Variants in FBXO27 observed in about 807,000 individuals in gnomAD.
FBXO27 encodes the protein F-box protein 27, also known as F-box only protein 27.
In FBXO27, 28 loss-of-function variants were observed where a neutral mutation model predicts 28.3. That is an observed-to-expected ratio of 0.99 (90% CI 0.73 to 1.36). FBXO27 has a LOEUF of 1.36. FBXO27 is among the 40% of genes most tolerant of loss of function. FBXO27 has a pLI of 0.00. For synonymous variants in FBXO27, 175 were observed against 167.3 expected (o/e 1.05, Z -0.36); for missense variants, 388 against 394.1 (o/e 0.98, Z 0.13).
chr19:39,019,809 T>C (rs1462949925), downstream of FBXO27, among the ~76,000 whole-genome samples: 1 of 152,136 alleles, frequency 6.6e-6, no homozygotes, highest in Admixed American at 6.6e-5. Flanking sequence ...TGGAGTGCAG[T>C]GGCTCCATCT....
At chr19:39,008,962 A>G (rs1162309188) in intron 2 of FBXO27, among the ~76,000 whole-genome samples, 1 of 152,158 alleles carries the variant, frequency 6.6e-6, no homozygotes, top group Non-Finnish European at 1.5e-5. Flanking sequence ...CTGGGATTAC[A>G]GGCACCCGCC....
downstream of FBXO27, among the ~76,000 whole-genome samples, chr19:39,021,773 C>T (rs986104050): frequency 2.6e-5 from 4 of 152,004 alleles, no homozygotes; most frequent in Non-Finnish European, 5.9e-5. Flanking sequence ...AGCGATTCTC[C>T]TGCCTCAGCC....
intron 4 of FBXO27, among the ~76,000 whole-genome samples, chr19:39,027,316 G>A (rs1344250899): frequency 6.6e-6 from 1 of 152,168 alleles, no homozygotes; most frequent in African/African-American, 2.4e-5. Context: ...GTCAGGGAAC[G>A]TCAGTTGACC....
chr19:39,012,516 C>T (rs2072800386), intron 2 of FBXO27, among the ~76,000 whole-genome samples: 1 of 152,114 alleles, frequency 6.6e-6, no homozygotes, highest in African/African-American at 2.4e-5. Context: ...ATGTTTCATC[C>T]AGAAGGGTTG....
intron 4 of FBXO27, among the ~76,000 whole-genome samples, chr19:39,028,634 G>A (rs1454363951): frequency 2.6e-5 from 4 of 151,954 alleles, no homozygotes; most frequent in African/African-American, 9.7e-5. Context: ...AGGCAGAGGC[G>A]GGCAGATCAC....
At chr19:39,017,999 G>A (rs756351035) in intron 1 of FBXO27, among the ~76,000 whole-genome samples, 12 of 151,806 alleles carry the variant, frequency 7.9e-5, no homozygotes, top group Admixed American at 2.0e-4. Context: ...TTATTTTTTC[G>A]TGATGGAGTT....
At position 39,026,885 on chromosome 19, in the gene FBXO27, G is replaced by A; in HGVS notation, c.693C>T (p.Asn231=). Residue 231 remains asparagine (N), a synonymous_variant, in exon 5 of 6, where the codon AAC becomes AAT. Transcript: ENST00000292853. ...AVPDPIPQWN[N]NACLHVTHVF... ...GGAGACTCACGTGAAGGCAGGCATT[G>A]TTGTTCCACTGCGGGATGGGATCAG... 1 of 1,614,186 alleles carries A rather than the reference G, an allele frequency of 6.2e-7. No homozygotes were observed. The highest frequency in any genetic ancestry group is 1.1e-5 in the South Asian group (1 of 91,080).
chr19:39,013,357 C>T lies in FBXO27; in HGVS notation c.252+1030G>A, dbSNP rs1055638537. ...TAGAAATACATTCGATGGCCAGGCG[C>T]GGTGGCTCATGCCTGCAATCCCAGC... is the stretch of plus-strand genomic sequence containing the variant. On this transcript the variant is annotated intron_variant, in intron 2 of 2. Coordinates refer to the FBXO27 transcript ENST00000598394. 1.3e-4 allele frequency among the ~76,000 whole-genome samples: 20 copies of T among 152,036 alleles called. No homozygotes were observed. The South Asian group carries it at 3.1e-3, about 24-fold the overall frequency.
At chr19:39,020,755 C>CAA (rs61577516), downstream of FBXO27, among the ~76,000 whole-genome samples, 1 of 105,270 alleles carries the variant, frequency 9.5e-6, no homozygotes, top group Non-Finnish European at 1.9e-5. Flanking sequence ...GTGGATATGG[C>CAA]AAAAAAAAAA....
rs961729754 is a variant in FBXO27 at position 39,026,811 on chromosome 19, T to C, written c.708+59A>G. The C allele has an allele frequency of 2.5e-6, 4 of 1,607,400 alleles. No homozygotes were observed. In the Admixed American group the frequency reaches 6.8e-5, roughly 27 times the overall value. On this transcript the variant is annotated intron_variant, in intron 5 of 5. Transcript: ENST00000292853. ...TTTAAGCCACTAAGTTTTGGGGTGA[T>C]TTATTTTGCAGCAATAGGCCCCCAG...
intron 2 of FBXO27, among the ~76,000 whole-genome samples, chr19:39,007,057 C>CAAAA (rs34457510): frequency 0.029 from 1,646 of 56,666 alleles, 66 homozygotes; most frequent in South Asian, 0.05. Context: ...TGGGTGTCTC[C>CAAAA]AAAAAAAAAA....
rs945398955 is a variant in FBXO27 at position 39,032,220 on chromosome 19, G to C, written c.8C>G (p.Ala3Gly). 9 of 1,446,226 alleles carry C rather than the reference G, an allele frequency of 6.2e-6. No homozygotes were observed. The highest frequency in any genetic ancestry group is 5.9e-5 in the East Asian group (2 of 34,156). The allele number at this position is 1,446,226 out of a possible 1,614,324, so 89.6% of individuals were successfully genotyped here. The change falls in exon 2 of 6, where the codon GCC becomes GGC. Residue 3 changes from alanine to glycine, a missense_variant. Transcript: ENST00000292853. This position sits in a 1 kb window ranked among gnomAD's most constrained non-coding sequence, Gnocchi z 4.7. MG[A>G]SVSRGRAARV... ...GGCGGCCCGGCCCCTGGAGACCGAG[G>C]CGCCCATGGTCCCCCCGCCAGGCCC...
At chr19:39,031,480 C>T (rs979625573) in intron 2 of FBXO27, 160 bp from the exon 3 acceptor site, 1 of 641,462 alleles carries the variant, frequency 1.6e-6, no homozygotes, top group Non-Finnish European at 2.7e-6. Context: ...CAGCTCAGGG[C>T]AAAGCCCCGC....
At chr19:39,012,733 G>A (rs1413151194) in intron 2 of FBXO27, among the ~76,000 whole-genome samples, 8 of 151,848 alleles carry the variant, frequency 5.3e-5, no homozygotes, top group African/African-American at 1.9e-4. Flanking sequence ...CGAGGAGGCC[G>A]GATCACCTGA....
chr19:39,009,492 G>A (rs570128293), intron 2 of FBXO27, among the ~76,000 whole-genome samples: 13 of 152,136 alleles, frequency 8.5e-5, no homozygotes, highest in Admixed American at 3.9e-4. Context: ...TCATCCTACT[G>A]GGTAGGAAGT....
chr19:39,031,270 C>A lies in FBXO27; in HGVS notation c.415G>T (p.Glu139Ter), dbSNP rs71356832. 3.1e-6 allele frequency: 5 copies of A among 1,614,112 alleles called. No homozygotes were observed. Among genetic ancestry groups the A allele is most frequent in the Non-Finnish European group, 4.2e-6 (5 of 1,180,022 alleles). ...CCAGGCACGGTTGTCCTGTTTTCCT[C>A]CACCACCCAGCCGTCCCCACCGTGT... ...VQHGGDGWVVEENRTTVPGAP... is the reference protein window; with the variant it reads ...VQHGGDGWVV Residue 139 changes from glutamate to a stop codon, truncating the protein, a stop_gained, in exon 3 of 6, where the codon GAG (glutamate) becomes TAG (stop). Coordinates refer to ENST00000292853, the MANE Select transcript of FBXO27 (RefSeq NM_178820.5). LOFTEE classifies it high-confidence loss of function.
At chr19:39,006,188 G>A (rs1234985507) in intron 2 of FBXO27, among the ~76,000 whole-genome samples, 5 of 152,172 alleles carry the variant, frequency 3.3e-5, no homozygotes, top group South Asian at 2.1e-4. Context: ...TGAGGCTGCC[G>A]AGGTGGGCGG....
intron 2 of FBXO27, 60 bp downstream of exon 2, chr19:39,031,804 G>T: frequency 7.1e-7 from 1 of 1,410,310 alleles, no homozygotes. Context: ...CCGCCCCTCC[G>T]GCCCCGCTAC....
At chr19:39,015,647 A>G (rs1205548436) in intron 1 of FBXO27, among the ~76,000 whole-genome samples, 1 of 152,164 alleles carries the variant, frequency 6.6e-6, no homozygotes, top group African/African-American at 2.4e-5. Flanking sequence ...GTGATCTATC[A>G]AGCCATGAAA....
Sources: gnomAD v4.1 joint callset for allele counts (sites outside exome capture counted in the v4.1 genomes callset) on GRCh38, gnomAD v4.1.1 for gene constraint, Gnocchi (gnomAD v3.1) non-coding constraint, MANE v1.5 for transcripts, NCBI Gene and HGNC (gene_info 2026-07-23, HGNC 2026-07-21) for gene names.